Variants in HECW1 observed in about 807,000 individuals in gnomAD.
HECW1 encodes the protein HECT, C2 and WW domain containing E3 ubiquitin protein ligase 1, also known as E3 ubiquitin-protein ligase HECW1.
In HECW1, 61 loss-of-function variants were observed where a neutral mutation model predicts 182.3. The observed-to-expected ratio is 0.33, with a 90% CI of 0.27 to 0.41. HECW1 has a LOEUF of 0.41. HECW1 is among the 10% of genes least tolerant of loss of function. The pLI, the probability that HECW1 is intolerant of heterozygous loss-of-function variation, is 1.00. For synonymous variants in HECW1, 859 were observed against 832.6 expected (o/e 1.03, Z -0.55); for missense variants, 1,739 against 2,108.9 (o/e 0.82, Z 3.44).
In HECW1 at chr7:43,561,693, C is replaced by T; in HGVS notation, c.4710-122C>T. Reference sequence around the variant, plus strand: ...TTAGTGTGCAATGTTTTATGGTGGTCCTAAATCATGGTCCTGCTCACTTTT... The same window carrying T: ...TTAGTGTGCAATGTTTTATGGTGGTTCTAAATCATGGTCCTGCTCACTTTT... On this transcript the variant is annotated intron_variant, in intron 29 of 29. Transcript: ENST00000395891. 4.6e-6 allele frequency: 3 copies of T among 652,456 alleles called. No individual in the cohort carries two copies. The South Asian group carries it at 5.7e-5, about 12-fold the overall frequency. 40.4% of individuals were successfully genotyped at this position (652,456 alleles called of 1,614,324 possible). A position where few individuals can be genotyped will look rare whatever the true frequency, so the allele number is the denominator to read the frequency against.
chr7:43,558,759 A>G (rs980900509), intron 29 of HECW1, among the ~76,000 whole-genome samples: 1 of 152,082 alleles, frequency 6.6e-6, no homozygotes, highest in African/African-American at 2.4e-5. Context: ...AGCAGAGAAA[A>G]TGGCAGCCAT....
intron 3 of HECW1, among the ~76,000 whole-genome samples, chr7:43,284,162 A>T (rs1804295669): frequency 6.6e-6 from 1 of 152,314 alleles, no homozygotes; most frequent in Admixed American, 6.5e-5. Flanking sequence ...GTGACAGGTA[A>T]TCTTATAGGA....
chr7:43,238,046 A>C (rs893273517), intron 2 of HECW1, among the ~76,000 whole-genome samples: 1 of 152,132 alleles, frequency 6.6e-6, no homozygotes, highest in Admixed American at 6.5e-5. Flanking sequence ...CTGTCACTGA[A>C]ATCTGTTTTT....
chr7:43,204,393 G>C (rs1795278389), intron 2 of HECW1, among the ~76,000 whole-genome samples: 1 of 152,176 alleles, frequency 6.6e-6, no homozygotes, highest in Non-Finnish European at 1.5e-5. Context: ...GTCCAGCACT[G>C]TATTTTTTGC....
At position 43,426,661 on chromosome 7, in the gene HECW1, A is replaced by G. The variant is rs545657373; in HGVS notation, c.802-11342A>G. On this transcript the variant is annotated intron_variant, in intron 8 of 29. Transcript: ENST00000395891. ...GATTTGGGTAGCTGTCCCTTTTTAA[A>G]AATTTTCTTTGATTGGCTTGTAAAA... Among the ~76,000 whole-genome samples the G allele has an allele frequency of 8.5e-5, 13 of 152,252 alleles. No homozygotes were observed. The South Asian group carries it at 2.7e-3, about 32-fold the overall frequency.
intron 2 of HECW1, among the ~76,000 whole-genome samples, chr7:43,149,272 A>G (rs938177262): frequency 1.3e-5 from 2 of 152,226 alleles, no homozygotes; most frequent in African/African-American, 4.8e-5. Context: ...TGACATATCG[A>G]TATCACCTCC....
intron 2 of HECW1, among the ~76,000 whole-genome samples, chr7:43,217,927 C>T (rs1386563202): frequency 6.6e-6 from 1 of 152,078 alleles, no homozygotes; most frequent in Non-Finnish European, 1.5e-5. Context: ...CACCAGCACC[C>T]GATCCTTCTG....
At chr7:43,497,724 A>C (rs1037768404) in intron 19 of HECW1, among the ~76,000 whole-genome samples, 1 of 152,168 alleles carries the variant, frequency 6.6e-6, no homozygotes, top group Non-Finnish European at 1.5e-5. Context: ...AAACAACAGG[A>C]GCTGATGACA....
chr7:43,193,976 G>A (rs1313426360), intron 2 of HECW1, among the ~76,000 whole-genome samples: 1 of 152,218 alleles, frequency 6.6e-6, no homozygotes, highest in Non-Finnish European at 1.5e-5. Context: ...AAAATGCTTT[G>A]ATTCGCTTCA....
chr7:43,477,632 A>G (rs1308816716), intron 16 of HECW1, among the ~76,000 whole-genome samples: 1 of 152,162 alleles, frequency 6.6e-6, no homozygotes, highest in Non-Finnish European at 1.5e-5. Context: ...TCTGTGTGGC[A>G]TGCTATCTTG....
chr7:43,527,879 A>G (rs1378063848), intron 24 of HECW1, among the ~76,000 whole-genome samples: 1 of 152,246 alleles, frequency 6.6e-6, no homozygotes, highest in Admixed American at 6.5e-5. Context: ...AACCAGTGAA[A>G]AAAATTTCAA....
intron 2 of HECW1, among the ~76,000 whole-genome samples, chr7:43,238,049 C>G (rs1467762300): frequency 6.6e-6 from 1 of 152,180 alleles, no homozygotes; most frequent in African/African-American, 2.4e-5. Context: ...TCACTGAAAT[C>G]TGTTTTTAAT....
intron 3 of HECW1, among the ~76,000 whole-genome samples, chr7:43,300,308 A>G (rs192929034): frequency 6.6e-6 from 1 of 152,342 alleles, no homozygotes; most frequent in African/African-American, 2.4e-5. Context: ...TGGTGTGGCT[A>G]AGGCGTGTGG....
chr7:43,225,962 G>A (rs1002618968), intron 2 of HECW1, among the ~76,000 whole-genome samples: 2 of 151,966 alleles, frequency 1.3e-5, no homozygotes, highest in Non-Finnish European at 2.9e-5. Context: ...TAGTAGAGAC[G>A]AGGTCACAGT....
intron 11 of HECW1, among the ~76,000 whole-genome samples, chr7:43,447,085 T>C (rs2077082053): frequency 6.6e-6 from 1 of 152,228 alleles, no homozygotes; most frequent in Non-Finnish European, 1.5e-5. Flanking sequence ...CTGTAGATTT[T>C]TCCTGTGAAG....
At chr7:43,437,420 A>C (rs2076747892) in intron 8 of HECW1, among the ~76,000 whole-genome samples, 1 of 152,230 alleles carries the variant, frequency 6.6e-6, no homozygotes, top group Non-Finnish European at 1.5e-5. Context: ...ACATTTGCGC[A>C]AATTAATCCA....
In HECW1 at chr7:43,361,054, G is replaced by A. The variant is rs374239950; in HGVS notation, c.555+74G>A. On this transcript the variant is annotated intron_variant, in intron 6 of 29. Coordinates refer to ENST00000395891, the MANE Select transcript of HECW1 (RefSeq NM_015052.5). ...TCACTTTCCTATTTTGTTCTTGTGC[G>A]TGCGTGTGTGTGTGTGTGTGTGTGT... The A allele has an allele frequency of 1.2e-3, 957 of 774,220 alleles. 5 individuals are homozygous for A. The African/African-American group carries it at 0.022, about 18-fold the overall frequency. The allele number at this position is 774,220 out of a possible 1,614,324, so 48.0% of individuals were successfully genotyped here. A position where few individuals can be genotyped will look rare whatever the true frequency, so the allele number is the denominator to read the frequency against.
intron 4 of HECW1, among the ~76,000 whole-genome samples, chr7:43,313,049 T>A (rs1305962354): frequency 6.6e-6 from 1 of 152,180 alleles, no homozygotes; most frequent in African/African-American, 2.4e-5. Flanking sequence ...ACCTGCACAG[T>A]TTTTCTGATA....
intron 5 of HECW1, among the ~76,000 whole-genome samples, chr7:43,322,659 G>T (rs1292531036): frequency 6.6e-6 from 1 of 152,144 alleles, no homozygotes; most frequent in Non-Finnish European, 1.5e-5. Context: ...GGGCTTATTT[G>T]GGGTGTAAAG....
Sources: gnomAD v4.1 joint callset for allele counts (sites outside exome capture counted in the v4.1 genomes callset) on GRCh38, gnomAD v4.1.1 for gene constraint, MANE v1.5 for transcripts, NCBI Gene and HGNC (gene_info 2026-07-23, HGNC 2026-07-21) for gene names.